INTU: variants seen among roughly 807,000 people sequenced by gnomAD.
INTU encodes the protein inturned planar cell polarity protein.
INTU carries 68 observed loss-of-function variants against 100.5 expected under a neutral mutation model. That is an observed-to-expected ratio of 0.68 (90% CI 0.56 to 0.83). INTU has a LOEUF of 0.83. Ranked by LOEUF, INTU falls within the 40% of genes least tolerant of loss-of-function variation. INTU has a pLI of 0.00. For synonymous variants in INTU, 357 were observed against 395.7 expected (o/e 0.90, Z 1.16); for missense variants, 1,071 against 1,114.7 (o/e 0.96, Z 0.56).
At position 127,643,892 on chromosome 4, in the gene INTU, T is replaced by A; in HGVS notation, c.518T>A (p.Ile173Asn). Residue 173 changes from isoleucine (I) to asparagine (N), a missense_variant, in exon 2 of 16, where the codon ATC (isoleucine) becomes AAC (asparagine). Ile to Asn is a moderately radical substitution (Grantham distance 149). Coordinates refer to ENST00000335251, the MANE Select transcript of INTU (RefSeq NM_015693.4). ...VYVNPKKLTV[I>N]KAKEQLKLLE... ...GTAAACCCCAAAAAGCTAACTGTTA[T>A]CAAAGCCAAAGAGCAGCTCAAGCTT... 5 of 1,614,136 alleles carry A rather than the reference T, an allele frequency of 3.1e-6. No individual in the cohort carries two copies. Among genetic ancestry groups the A allele is most frequent in the Non-Finnish European group, 3.4e-6 (4 of 1,180,028 alleles).
At position 127,633,177 on chromosome 4, in the gene INTU, A is replaced by C. The variant is rs1726913918; in HGVS notation, c.143A>C (p.Tyr48Ser). Reference sequence around the variant, plus strand: ...TCATATTCCTCAGCGAGTAGCGATTATGAGTAAGGTTTTCAAAGAGGGACA... The same window carrying C: ...TCATATTCCTCAGCGAGTAGCGATTCTGAGTAAGGTTTTCAAAGAGGGACA... ...SGSYSSASSD[Y>S]DDLEPEWLDS... The change falls in exon 1 of 16, where the codon TAT becomes TCT. Residue 48 changes from tyrosine to serine, a missense_variant. Physicochemically the swap from Tyr to Ser is moderately radical, Grantham distance 144 (BLOSUM62 -2). Coordinates refer to ENST00000335251, the MANE Select transcript of INTU (RefSeq NM_015693.4). 3.7e-6 allele frequency: 6 copies of C among 1,613,070 alleles called. No homozygotes were observed. The highest frequency in any genetic ancestry group is 5.1e-6 in the Non-Finnish European group (6 of 1,179,136).
intron 13 of INTU, among the ~76,000 whole-genome samples, chr4:127,709,553 A>T (rs1731015322): frequency 6.6e-6 from 1 of 152,132 alleles, no homozygotes; most frequent in African/African-American, 2.4e-5. Context: ...TATAATATGA[A>T]ATGTTATATA....
intron 8 of INTU, among the ~76,000 whole-genome samples, chr4:127,693,532 ACTT>A (rs1039590694): frequency 3.3e-5 from 5 of 152,116 alleles, no homozygotes; most frequent in African/African-American, 1.2e-4. Flanking sequence ...TGACAGTTTG[ACTT>A]CTTCTTTACT....
In INTU at chr4:127,716,388, A is replaced by T. The variant is rs1008099136; in HGVS notation, c.2781A>T (p.Glu927Asp). ...LYVCFHDSVT[E>D]IAIEIAFKLF... ...TCTGTTTTCATGACTCAGTCACAGA[A>T]ATTGCCATTGAAATAGCTTTTAAAT... Residue 927 changes from glutamate (E) to aspartate (D), a missense_variant, in exon 16 of 16, where the codon GAA (glutamate) becomes GAT (aspartate). Physicochemically the swap from Glu to Asp is conservative, Grantham distance 45. Coordinates refer to ENST00000335251, the MANE Select transcript of INTU (RefSeq NM_015693.4). 1.3e-6 allele frequency: 2 copies of T among 1,592,012 alleles called. No homozygotes were observed. The highest frequency in any genetic ancestry group is 1.3e-5 in the African/African-American group (1 of 74,374).
At chr4:127,686,925 A>G (rs1729853612) in intron 7 of INTU, 1 of 152,200 alleles carries the variant, frequency 6.6e-6, no homozygotes, top group South Asian at 2.1e-4. Flanking sequence ...CTATTTTGTC[A>G]TTCAGTGAGC....
At chr4:127,708,769 A>G in intron 13 of INTU, 101 bp downstream of exon 13, 2 of 614,812 alleles carry the variant, frequency 3.3e-6, no homozygotes, top group East Asian at 2.9e-5. Flanking sequence ...TGTAATTCTG[A>G]TATATCTTAC....
intron 8 of INTU, among the ~76,000 whole-genome samples, chr4:127,695,754 G>A (rs1730355957): frequency 6.6e-6 from 1 of 152,048 alleles, no homozygotes; most frequent in African/African-American, 2.4e-5. Flanking sequence ...GTGGTGGTAG[G>A]GGACATCCTT....
Position 127,719,274 on chromosome 4 carries a change from T to C in INTU, c.*2838T>C, listed in dbSNP as rs1221896064. 1 of 152,250 alleles carries C rather than the reference T, an allele frequency of 6.6e-6. No individual in the cohort carries two copies. Among genetic ancestry groups the C allele is most frequent in the Non-Finnish European group, 1.5e-5 (1 of 68,038 alleles). 9.4% of individuals were successfully genotyped at this position (152,250 alleles called of 1,614,324 possible). A position where few individuals can be genotyped will look rare whatever the true frequency, so the allele number is the denominator to read the frequency against. The stretch of plus-strand genomic sequence containing the variant: ...TTTGTCTTTAGTTCTGTTTGTGTGA[T>C]GAATTAAGTTTATTGATTTGCATAT... On this transcript the variant is annotated 3_prime_UTR_variant, in exon 16 of 16. Transcript: ENST00000335251.
chr4:127,704,223 C>G lies in INTU; in HGVS notation c.1504-5C>G. ...TATAAAATCCACTATGAATTTTTCCCCCAGTCCGAGGATTACTATGACATG... is the reference window on the plus strand; with the variant it reads ...TATAAAATCCACTATGAATTTTTCCGCCAGTCCGAGGATTACTATGACATG... On this transcript the variant is annotated splice_region_variant and splice_polypyrimidine_tract_variant and intron_variant, in intron 9 of 15. Transcript: ENST00000335251. 1 of 1,601,142 alleles carries G rather than the reference C, an allele frequency of 6.2e-7. No individual in the cohort carries two copies. Among genetic ancestry groups the G allele is most frequent in the South Asian group, 1.1e-5 (1 of 87,528 alleles).
At chr4:127,676,554 C>T (rs1729194224) in intron 6 of INTU, among the ~76,000 whole-genome samples, 1 of 150,686 alleles carries the variant, frequency 6.6e-6, no homozygotes, top group African/African-American at 2.5e-5. Context: ...CCACTGTACT[C>T]CAGCCTGGGT....
At chr4:127,687,594 G>A in intron 7 of INTU, 84 bp from the exon 8 acceptor site, 1 of 1,031,862 alleles carries the variant, frequency 9.7e-7, no homozygotes, top group Non-Finnish European at 1.5e-6. Context: ...ATGTAGTTGG[G>A]AAAGATCCAG....
chr4:127,681,349 A>G (rs1386733295), intron 6 of INTU, among the ~76,000 whole-genome samples: 2 of 151,220 alleles, frequency 1.3e-5, no homozygotes, highest in East Asian at 1.9e-4. Flanking sequence ...CTGACTTCAA[A>G]CTATACTACA....
intron 9 of INTU, among the ~76,000 whole-genome samples, chr4:127,700,895 A>G (rs1730618903): frequency 1.3e-5 from 2 of 152,140 alleles, no homozygotes; most frequent in African/African-American, 2.4e-5. Context: ...TGTCTAAACC[A>G]TATGTCAAGG....
intron 2 of INTU, among the ~76,000 whole-genome samples, chr4:127,651,642 T>C (rs1230486475): frequency 6.6e-6 from 1 of 152,200 alleles, no homozygotes; most frequent in Non-Finnish European, 1.5e-5. Context: ...TAGTTTGAAG[T>C]CAGGTAGGGT....
intron 10 of INTU, among the ~76,000 whole-genome samples, chr4:127,705,047 G>A (rs1326694068): frequency 1.3e-5 from 2 of 151,498 alleles, no homozygotes; most frequent in Non-Finnish European, 2.9e-5. Flanking sequence ...AGCTGAGTTC[G>A]TGCCACTGCA....
intron 2 of INTU, among the ~76,000 whole-genome samples, chr4:127,650,344 G>C (rs1242427298): frequency 6.7e-6 from 1 of 150,088 alleles, no homozygotes; most frequent in Non-Finnish European, 1.5e-5. Context: ...TCTAGCATTA[G>C]GTATATCTCC....
intron 1 of INTU, among the ~76,000 whole-genome samples, chr4:127,641,784 T>C (rs1333636177): frequency 1.3e-5 from 2 of 152,312 alleles, no homozygotes; most frequent in Non-Finnish European, 2.9e-5. Flanking sequence ...CACTGTTTAG[T>C]TGCTCCACAA....
chr4:127,642,727 T>TAACAAACCTA (rs924320219), intron 1 of INTU, among the ~76,000 whole-genome samples: 24 of 152,146 alleles, frequency 1.6e-4, no homozygotes, highest in African/African-American at 5.1e-4. Flanking sequence ...TTACCATGAG[T>TAACAAACCTA]ATTTTTGCTC....
In INTU at chr4:127,684,464, T is replaced by G; in HGVS notation, c.1237T>G (p.Phe413Val). 2 of 1,597,598 alleles carry G rather than the reference T, an allele frequency of 1.3e-6. No individual in the cohort carries two copies. The highest frequency in any genetic ancestry group is 1.7e-6 in the Non-Finnish European group (2 of 1,170,084). The part of the protein sequence containing the change: ...MIENVIQTLK[F>V]MYGSLDSAFC... ...AGAAAATGTCATCCAAACCTTAAAA[T>G]TTATGTATGGTTCTTTAGATAGGTA... is the stretch of plus-strand genomic sequence containing the variant. Residue 413 changes from phenylalanine to valine, a missense_variant, in exon 7 of 16, where the codon TTT (phenylalanine) becomes GTT (valine). Phe to Val is a conservative substitution (Grantham distance 50, BLOSUM62 -1). Transcript: ENST00000335251.
Sources: allele counts gnomAD v4.1 joint callset (sites outside exome capture counted in the v4.1 genomes callset), GRCh38; gene constraint gnomAD v4.1.1; transcripts MANE v1.5; gene names NCBI Gene and HGNC (gene_info 2026-07-23, HGNC 2026-07-21).